TMEM117: variants seen among roughly 807,000 people sequenced by gnomAD.
TMEM117 encodes transmembrane protein 117.
In TMEM117, 27 loss-of-function variants were observed where a neutral mutation model predicts 52.4. The ratio of observed to expected loss-of-function variants is 0.51; its 90% CI spans 0.38 to 0.71. TMEM117 has a LOEUF of 0.71. TMEM117 is among the 30% of genes least tolerant of loss of function. The pLI, the probability that TMEM117 is intolerant of heterozygous loss-of-function variation, is 0.00. For synonymous variants in TMEM117, 215 were observed against 206.3 expected, an observed-to-expected ratio of 1.04 and a Z score of -0.36; for missense variants, 556 against 630.5, an observed-to-expected ratio of 0.88 and a Z score of 1.26.
intron 4 of TMEM117, among the ~76,000 whole-genome samples, chr12:44,170,341 G>A (rs1949028003): frequency 6.6e-6 from 1 of 151,706 alleles, no homozygotes. Flanking sequence ...TATACCTAAT[G>A]TAAATGAGGA....
At chr12:44,131,321 A>G (rs1341486112) in intron 3 of TMEM117, among the ~76,000 whole-genome samples, 1 of 152,062 alleles carries the variant, frequency 6.6e-6, no homozygotes, top group Non-Finnish European at 1.5e-5. Context: ...TTACTGATGT[A>G]TAGTTTAGTT....
chr12:44,154,316 A>T (rs1054610221), intron 4 of TMEM117, among the ~76,000 whole-genome samples: 14 of 152,218 alleles, frequency 9.2e-5, no homozygotes, highest in African/African-American at 3.1e-4. Context: ...AGGACGCACA[A>T]AAAGAAAGTA....
chr12:44,261,749 T>C (rs1950323090), intron 5 of TMEM117, among the ~76,000 whole-genome samples: 1 of 152,192 alleles, frequency 6.6e-6, no homozygotes, highest in African/African-American at 2.4e-5. Flanking sequence ...AATTGAGAAG[T>C]AGGAATCTCT....
intron 3 of TMEM117, among the ~76,000 whole-genome samples, chr12:44,000,455 T>C (rs1352873085): frequency 1.3e-5 from 2 of 152,150 alleles, no homozygotes; most frequent in East Asian, 3.9e-4. Context: ...TCCAGAGGCC[T>C]CTCTGGGTCT....
At chr12:44,219,251 T>C (rs1191295032) in intron 5 of TMEM117, among the ~76,000 whole-genome samples, 1 of 152,192 alleles carries the variant, frequency 6.6e-6, no homozygotes, top group Non-Finnish European at 1.5e-5. Flanking sequence ...GGACTACTGA[T>C]TCCTGGTCTA....
chr12:43,800,781 G>C, the TMEM117 span, among the ~76,000 whole-genome samples: 1 of 152,082 alleles, frequency 6.6e-6, no homozygotes, highest in South Asian at 2.1e-4. Flanking sequence ...ACGCAGATTT[G>C]CTCTTGTTGC....
At chr12:43,916,625 A>G (rs950092429) in intron 2 of TMEM117, among the ~76,000 whole-genome samples, 3 of 152,190 alleles carry the variant, frequency 2.0e-5, no homozygotes, top group Non-Finnish European at 4.4e-5. Flanking sequence ...GTCTTAGTCC[A>G]TAGATCTTTG....
At chr12:43,977,435 G>A (rs988732800) in intron 3 of TMEM117, among the ~76,000 whole-genome samples, 2 of 152,134 alleles carry the variant, frequency 1.3e-5, no homozygotes, top group Admixed American at 6.6e-5. Flanking sequence ...ATGAACACAA[G>A]CATATTCTCT....
chr12:44,223,702 G>T (rs1021921394), intron 5 of TMEM117, among the ~76,000 whole-genome samples: 1 of 151,940 alleles, frequency 6.6e-6, no homozygotes, highest in Non-Finnish European at 1.5e-5. Context: ...CAAGTTTTAG[G>T]GTCCTGTTTC....
At chr12:43,997,604 A>G (rs73286249) in intron 3 of TMEM117, among the ~76,000 whole-genome samples, 4,863 of 152,260 alleles carry the variant, frequency 0.032, 175 homozygotes, top group African/African-American at 0.087. Context: ...GTAGAACACC[A>G]TATATAGAAT....
chr12:44,025,901 G>GC (rs143033801), intron 3 of TMEM117, among the ~76,000 whole-genome samples: 205 of 150,454 alleles, frequency 1.4e-3, no homozygotes, highest in Non-Finnish European at 2.4e-3. Context: ...TTACCTATCC[G>GC]CCCCCCCCAC....
At chr12:44,312,867 A>T (rs777210430) in intron 6 of TMEM117, among the ~76,000 whole-genome samples, 2 of 152,142 alleles carry the variant, frequency 1.3e-5, no homozygotes, top group Non-Finnish European at 2.9e-5. Flanking sequence ...AGTGATGATG[A>T]GCATTTTTTC....
intron 5 of TMEM117, among the ~76,000 whole-genome samples, chr12:44,295,642 A>T: frequency 6.7e-6 from 1 of 148,538 alleles, no homozygotes; most frequent in Non-Finnish European, 1.5e-5. Flanking sequence ...TGAATTTTTC[A>T]GTTCTATTAT....
chr12:44,234,927 G>A (rs1475701588), intron 5 of TMEM117, among the ~76,000 whole-genome samples: 2 of 151,430 alleles, frequency 1.3e-5, no homozygotes, highest in African/African-American at 4.8e-5. Context: ...TATTTTGGGA[G>A]TACATGTTTT....
At chr12:43,886,889 C>G (rs1371625170) in intron 2 of TMEM117, among the ~76,000 whole-genome samples, 1 of 152,258 alleles carries the variant, frequency 6.6e-6, no homozygotes, top group East Asian at 1.9e-4. Flanking sequence ...TCTCTCTTGT[C>G]TAGACTGGTG....
chr12:43,836,858 A>T (rs766218130), intron 1 of TMEM117, among the ~76,000 whole-genome samples: 3 of 152,126 alleles, frequency 2.0e-5, no homozygotes, highest in Non-Finnish European at 2.9e-5. Context: ...CTTATCAGGA[A>T]CCAAAAAGGA....
At chr12:44,217,874 A>G (rs944245056) in intron 5 of TMEM117, among the ~76,000 whole-genome samples, 1 of 152,196 alleles carries the variant, frequency 6.6e-6, no homozygotes, top group Non-Finnish European at 1.5e-5. Context: ...GGAATGTAAT[A>G]TGGAACAAGA....
intron 3 of TMEM117, among the ~76,000 whole-genome samples, chr12:43,998,956 A>C (rs1279161114): frequency 6.6e-6 from 1 of 152,242 alleles, no homozygotes; most frequent in East Asian, 1.9e-4. Context: ...ATCTTAATTG[A>C]TCATCAAGGA....
intron 4 of TMEM117, among the ~76,000 whole-genome samples, chr12:44,185,360 T>C (rs780062947): frequency 5.3e-5 from 8 of 152,138 alleles, no homozygotes; most frequent in Non-Finnish European, 1.0e-4. Flanking sequence ...TTCCTATTTA[T>C]AGAAAAAATA....
Sources: allele counts gnomAD v4.1 joint callset (sites outside exome capture counted in the v4.1 genomes callset), GRCh38; gene constraint gnomAD v4.1.1; transcripts MANE v1.5; gene names NCBI Gene and HGNC (gene_info 2026-07-23, HGNC 2026-07-21).